The following ITFG1 variants were observed in gnomAD, a reference collection of about 807,000 sequenced individuals.
ITFG1 encodes integrin alpha FG-GAP repeat containing 1.
ITFG1 carries 34 observed loss-of-function variants against 81.8 expected under a neutral mutation model. The ratio of observed to expected loss-of-function variants is 0.42; its 90% CI spans 0.32 to 0.55. The LOEUF (loss-of-function observed/expected upper bound fraction) is 0.55. Ranked by LOEUF, ITFG1 falls within the 20% of genes least tolerant of loss-of-function variation. The probability of loss-of-function intolerance (pLI) is 0.17; values close to 1 mark genes in which losing one functional copy is unlikely to be tolerated. For synonymous variants in ITFG1, 285 were observed against 270.6 expected, an observed-to-expected ratio of 1.05 and a Z score of -0.52; for missense variants, 672 against 755.4, an observed-to-expected ratio of 0.89 and a Z score of 1.29.
At position 47,328,092 on chromosome 16, in the gene ITFG1, T is replaced by C. The variant is rs373481574; in HGVS notation, c.803-14269A>G. Among the ~76,000 whole-genome samples, 347 of 152,110 alleles carry C rather than the reference T, an allele frequency of 2.3e-3. 15 individuals are homozygous for C. The South Asian group carries it at 0.041, about 18-fold the overall frequency. ...AACCCAAATGTCCAACAATGATAGA[T>C]TGGATTAAGAAAATGTGGCACATAT... On this transcript the variant is annotated intron_variant, in intron 8 of 17. Coordinates refer to ENST00000320640, the MANE Select transcript of ITFG1 (RefSeq NM_030790.5).
In ITFG1 at chr16:47,311,362, A is replaced by G. The variant is rs1176325481; in HGVS notation, c.948T>C (p.Phe316=). 1 of 1,614,034 alleles carries G rather than the reference A, an allele frequency of 6.2e-7. No homozygotes were observed. ...DFSNKGTLWG[F]VPFVDEQQPT... ...GTTGCTGTTCATCCACAAATGGCACAAAGCCCCAGAGTGTGCCCTTATTGC... is the reference window on the plus strand; with the variant it reads ...GTTGCTGTTCATCCACAAATGGCACGAAGCCCCAGAGTGTGCCCTTATTGC... The change falls in exon 10 of 18, where the codon TTT becomes TTC. Residue 316 remains phenylalanine, a synonymous_variant. Transcript: ENST00000320640.
At chr16:47,450,888 T>TA (rs1294519586) in intron 5 of ITFG1, among the ~76,000 whole-genome samples, 1 of 152,152 alleles carries the variant, frequency 6.6e-6, no homozygotes, top group African/African-American at 2.4e-5. Flanking sequence ...ATTGCATACT[T>TA]AGATAGTAAG....
At chr16:47,432,818 C>A (rs1334964719) in intron 5 of ITFG1, among the ~76,000 whole-genome samples, 1 of 152,026 alleles carries the variant, frequency 6.6e-6, no homozygotes, top group African/African-American at 2.4e-5. Flanking sequence ...TAAGATAGAC[C>A]ATTTATTCAT....
chr16:47,313,911 C>CTG, intron 8 of ITFG1, 88 bp from the exon 9 acceptor site: 1 of 631,944 alleles, frequency 1.6e-6, no homozygotes, highest in Admixed American at 3.4e-5. Flanking sequence ...TGTTCAAAGT[C>CTG]TACATCAATC....
intron 3 of ITFG1, 25 bp downstream of exon 3, chr16:47,453,981 ATAAATAT>A: frequency 1.5e-6 from 2 of 1,374,044 alleles, no homozygotes; most frequent in Non-Finnish European, 2.0e-6. Flanking sequence ...ATATTCAATG[ATAAATAT>A]TAAAAATTTT....
chr16:47,324,899 C>A (rs886933540), intron 8 of ITFG1, among the ~76,000 whole-genome samples: 1 of 152,068 alleles, frequency 6.6e-6, no homozygotes, highest in Non-Finnish European at 1.5e-5. Flanking sequence ...ACTTTAACAC[C>A]CCACTGTCAA....
chr16:47,379,184 C>A (rs1968363991), intron 6 of ITFG1, among the ~76,000 whole-genome samples: 1 of 152,136 alleles, frequency 6.6e-6, no homozygotes, highest in African/African-American at 2.4e-5. Context: ...TCTACAGGGC[C>A]ATTCCACATT....
intron 10 of ITFG1, among the ~76,000 whole-genome samples, chr16:47,270,991 T>A (rs759412757): frequency 6.6e-6 from 1 of 152,222 alleles, no homozygotes; most frequent in Non-Finnish European, 1.5e-5. Context: ...ATTTTATAGA[T>A]GCATTTGTAT....
intron 6 of ITFG1, among the ~76,000 whole-genome samples, chr16:47,406,780 T>C (rs150072418): frequency 1.2e-3 from 190 of 152,340 alleles, no homozygotes; most frequent in African/African-American, 4.4e-3. Flanking sequence ...AGTTGTGATT[T>C]TGAATATAGC....
At chr16:47,264,161 G>A (rs947547835) in intron 10 of ITFG1, among the ~76,000 whole-genome samples, 2 of 151,712 alleles carry the variant, frequency 1.3e-5, no homozygotes, top group African/African-American at 2.4e-5. Context: ...TCCTTTCCAG[G>A]AATAATCAAT....
chr16:47,407,286 G>A (rs1288555128), intron 6 of ITFG1, among the ~76,000 whole-genome samples: 1 of 152,198 alleles, frequency 6.6e-6, no homozygotes, highest in Non-Finnish European at 1.5e-5. Context: ...TTCAAAGGAA[G>A]AATGAGCAGG....
intron 12 of ITFG1, among the ~76,000 whole-genome samples, chr16:47,242,678 T>TATTAAAG (rs1417886213): frequency 5.3e-5 from 8 of 152,168 alleles, no homozygotes; most frequent in African/African-American, 1.9e-4. Context: ...CCCCTTGGGT[T>TATTAAAG]GGTGAAGGTG....
intron 15 of ITFG1, 28 bp from the exon 16 acceptor site, chr16:47,161,860 C>T: frequency 1.6e-6 from 2 of 1,231,120 alleles, no homozygotes; most frequent in South Asian, 1.2e-5. Flanking sequence ...GAACATTTAA[C>T]ATTCAGCACA....
intron 6 of ITFG1, among the ~76,000 whole-genome samples, chr16:47,378,237 G>A (rs1968351387): frequency 6.6e-6 from 1 of 152,182 alleles, no homozygotes; most frequent in African/African-American, 2.4e-5. Flanking sequence ...TGTTCAAACT[G>A]AAAATATCCA....
At chr16:47,216,074 A>G (rs1965620723) in intron 14 of ITFG1, among the ~76,000 whole-genome samples, 1 of 152,156 alleles carries the variant, frequency 6.6e-6, no homozygotes. Context: ...CTAAGTAAAT[A>G]TTGTTCCATT....
In ITFG1 at chr16:47,425,111, C is replaced by T. The variant is rs181745367; in HGVS notation, c.655+3693G>A. Among the ~76,000 whole-genome samples the T allele has an allele frequency of 1.6e-3, 245 of 152,190 alleles. 1 individual carries two copies. The highest frequency in any genetic ancestry group is 2.9e-3 in the Non-Finnish European group (198 of 68,014). ...CTCCTCCCAGTTCGAGCTTCCAGGC[C>T]GCTTTGTTTACACTGTAAGCTACTC... is the stretch of plus-strand genomic sequence containing the variant. On this transcript the variant is annotated intron_variant, in intron 6 of 17. Transcript: ENST00000320640.
chr16:47,329,021 A>G (rs1363167363), intron 8 of ITFG1, among the ~76,000 whole-genome samples: 2 of 152,188 alleles, frequency 1.3e-5, no homozygotes, highest in African/African-American at 4.8e-5. Context: ...ACGTATTTAA[A>G]TATAAAAATC....
At chr16:47,217,589 C>T (rs1231573238) in intron 14 of ITFG1, among the ~76,000 whole-genome samples, 2 of 152,160 alleles carry the variant, frequency 1.3e-5, no homozygotes, top group East Asian at 3.8e-4. Flanking sequence ...TTATCTATAT[C>T]CTTATTTATC....
intron 10 of ITFG1, among the ~76,000 whole-genome samples, chr16:47,275,687 A>G (rs1161309388): frequency 6.6e-6 from 1 of 152,122 alleles, no homozygotes; most frequent in African/African-American, 2.4e-5. Context: ...AGGGAAGATG[A>G]CACAAATCCA....
Sources: allele counts gnomAD v4.1 joint callset (sites outside exome capture counted in the v4.1 genomes callset), GRCh38; gene constraint gnomAD v4.1.1; transcripts MANE v1.5; gene names NCBI Gene and HGNC (gene_info 2026-07-23, HGNC 2026-07-21).